Variants in MPPED1 observed in about 807,000 individuals in gnomAD.
MPPED1 encodes the protein metallophosphoesterase domain-containing protein 1.
A neutral mutation model predicts 36.2 loss-of-function variants in MPPED1; 16 were observed. The ratio of observed to expected loss-of-function variants is 0.44; its 90% CI spans 0.30 to 0.67. The LOEUF (loss-of-function observed/expected upper bound fraction) is 0.67. Among genes scored for constraint, MPPED1 ranks in the 30% least tolerant of loss-of-function variants. The probability of loss-of-function intolerance (pLI) is 0.10; values close to 1 mark genes in which losing one functional copy is unlikely to be tolerated. For missense variants in MPPED1, 307 were observed against 453.4 expected (o/e 0.68, Z 2.93); for synonymous variants, 199 against 191.3 (o/e 1.04, Z -0.33).
intron 3 of MPPED1, among the ~76,000 whole-genome samples, chr22:43,436,425 C>G (rs1156291639): frequency 6.6e-6 from 1 of 152,232 alleles, no homozygotes; most frequent in African/African-American, 2.4e-5. Context: ...GCCAGGGGCC[C>G]GACTCTGCCA....
Position 43,492,474 on chromosome 22 carries a change from T to G in MPPED1, c.633-5761T>G, listed in dbSNP as rs369444688. Among the ~76,000 whole-genome samples the G allele has an allele frequency of 1.3e-4, 20 of 152,140 alleles. 1 individual carries two copies. Among genetic ancestry groups the G allele is most frequent in the East Asian group, 9.6e-4 (5 of 5,192 alleles). On this transcript the variant is annotated intron_variant, in intron 4 of 6. Coordinates refer to ENST00000443721, the MANE Select transcript of MPPED1 (RefSeq NM_001044370.2). ...CTTGATGCTGCCCACCCAGAGGCCA[T>G]TCCTTAGCCACAGCTGCCTGGTTTC...
intron 4 of MPPED1, among the ~76,000 whole-genome samples, chr22:43,492,584 C>G (rs1360285603): frequency 6.6e-6 from 1 of 152,160 alleles, no homozygotes; most frequent in Non-Finnish European, 1.5e-5. Flanking sequence ...TGCCCTGCCC[C>G]TCACACTTAA....
chr22:43,450,004 T>C (rs1368499336), intron 3 of MPPED1, among the ~76,000 whole-genome samples: 2 of 151,636 alleles, frequency 1.3e-5, no homozygotes, highest in Non-Finnish European at 2.9e-5. Context: ...GTGGCGGTGG[T>C]TTGTAGAGCC....
intron 6 of MPPED1, 90 bp from the exon 7 acceptor site, chr22:43,505,408 C>T (rs975730968): frequency 1.7e-5 from 19 of 1,147,642 alleles, no homozygotes; most frequent in Non-Finnish European, 2.4e-5. Context: ...ATTCAGCCCA[C>T]AGGGGCTGAG....
At chr22:43,431,144 C>T (rs2097353) in intron 2 of MPPED1, among the ~76,000 whole-genome samples, 57,834 of 147,810 alleles carry the variant, frequency 0.39, 13,816 homozygotes, top group Non-Finnish European at 0.53. Context: ...CGGGTTCAAG[C>T]GATTCTCCTG....
rs1932790045 is a variant in MPPED1, at chr22:43,505,483, G to A, written c.863-15G>A. 1 of 1,595,346 alleles carries A rather than the reference G, an allele frequency of 6.3e-7. No homozygotes were observed. The highest frequency in any genetic ancestry group is 1.3e-5 in the African/African-American group (1 of 74,508). On this transcript the variant is annotated splice_polypyrimidine_tract_variant and intron_variant, in intron 6 of 6. Coordinates refer to ENST00000443721, the MANE Select transcript of MPPED1 (RefSeq NM_001044370.2). Reference sequence around the variant, plus strand: ...CTCTGGCTGCTGGCCTGATGGGCATGTGCTTACTTTCCAGGGTATGGTGTC... The same window carrying A: ...CTCTGGCTGCTGGCCTGATGGGCATATGCTTACTTTCCAGGGTATGGTGTC...
At chr22:43,491,647 T>TGA (rs1932094090) in intron 4 of MPPED1, among the ~76,000 whole-genome samples, 1 of 145,262 alleles carries the variant, frequency 6.9e-6, no homozygotes, top group Non-Finnish European at 1.5e-5. Flanking sequence ...GAGGTGGTGG[T>TGA]TATGGAGGTG....
intron 5 of MPPED1, among the ~76,000 whole-genome samples, chr22:43,501,909 T>G (rs1034148443): frequency 6.6e-6 from 1 of 151,870 alleles, no homozygotes; most frequent in Non-Finnish European, 1.5e-5. Flanking sequence ...GGCCTTTGAG[T>G]GGAAGCTTCC....
At chr22:43,425,862 T>C (rs1360563004) in intron 2 of MPPED1, among the ~76,000 whole-genome samples, 2 of 152,362 alleles carry the variant, frequency 1.3e-5, no homozygotes, top group East Asian at 1.9e-4. Flanking sequence ...AGTGAGGCCC[T>C]GGGGAGCACA....
chr22:43,497,602 G>T lies in MPPED1; in HGVS notation c.633-633G>T, dbSNP rs150595239. The stretch of plus-strand genomic sequence containing the variant: ...GGAATATCTGGCATTGATGGGTCCA[G>T]GTCTTGGCTGGGGAGCAGGCTACCA... On this transcript the variant is annotated intron_variant, in intron 4 of 6. Coordinates refer to ENST00000443721, the MANE Select transcript of MPPED1 (RefSeq NM_001044370.2). Among the ~76,000 whole-genome samples, 59 of 152,114 alleles carry T rather than the reference G, an allele frequency of 3.9e-4. No homozygotes were observed. The East Asian group carries it at 0.011, about 28-fold the overall frequency.
At chr22:43,430,774 C>T (rs76968702) in intron 2 of MPPED1, among the ~76,000 whole-genome samples, 8,477 of 151,970 alleles carry the variant, frequency 0.056, 732 homozygotes, top group African/African-American at 0.18. Flanking sequence ...TGAGATTAGA[C>T]GCCCAGATTC....
intron 4 of MPPED1, among the ~76,000 whole-genome samples, chr22:43,492,275 G>C (rs1347804446): frequency 6.6e-6 from 1 of 152,134 alleles, no homozygotes; most frequent in African/African-American, 2.4e-5. Flanking sequence ...GTGGTAAGGA[G>C]TGGACCATTG....
At chr22:43,477,177 C>G (rs1931602562) in intron 4 of MPPED1, among the ~76,000 whole-genome samples, 1 of 152,232 alleles carries the variant, frequency 6.6e-6, no homozygotes. Context: ...GACCACATGT[C>G]TGAACCTCTG....
intron 1 of MPPED1, among the ~76,000 whole-genome samples, chr22:43,424,321 A>G (rs770354463): frequency 6.6e-6 from 1 of 152,130 alleles, no homozygotes; most frequent in Non-Finnish European, 1.5e-5. Flanking sequence ...TGTCTGGGAA[A>G]ATCCCTTCTC....
chr22:43,466,664 C>CCA (rs1318389255), intron 3 of MPPED1, among the ~76,000 whole-genome samples: 1 of 152,138 alleles, frequency 6.6e-6, no homozygotes, highest in African/African-American at 2.4e-5. Flanking sequence ...ACTCCACAGC[C>CCA]CACAGTAGAG....
intron 4 of MPPED1, among the ~76,000 whole-genome samples, chr22:43,497,162 G>A (rs1465540277): frequency 6.6e-6 from 1 of 151,834 alleles, no homozygotes; most frequent in Middle Eastern, 3.2e-3. Flanking sequence ...AATGGAGGTG[G>A]TGGTGGAAGT....
At chr22:43,497,198 A>G (rs995935746) in intron 4 of MPPED1, among the ~76,000 whole-genome samples, 5 of 149,692 alleles carry the variant, frequency 3.3e-5, no homozygotes, top group Admixed American at 6.6e-5. Flanking sequence ...AGTGCTAGTG[A>G]TGGTGGAGGT....
intron 2 of MPPED1, among the ~76,000 whole-genome samples, chr22:43,433,337 G>C (rs1271406704): frequency 6.6e-6 from 1 of 152,140 alleles, no homozygotes. Context: ...TCAGTCCCTG[G>C]GCTTGTTGTG....
Position 43,454,715 on chromosome 22 carries a change from T to A in MPPED1, c.406+19500T>A, listed in dbSNP as rs934384708. 2.0e-5 allele frequency among the ~76,000 whole-genome samples: 3 copies of A among 152,170 alleles called. No homozygotes were observed. The South Asian group carries it at 6.2e-4, about 32-fold the overall frequency. On this transcript the variant is annotated intron_variant, in intron 3 of 6. Coordinates refer to ENST00000443721, the MANE Select transcript of MPPED1 (RefSeq NM_001044370.2). ...ACTGGTGCACACCACCACACCTAGC[T>A]AATTTTTGTATTTTTAGTAGAGATG...
Sources: gnomAD v4.1 joint callset for allele counts (sites outside exome capture counted in the v4.1 genomes callset) on GRCh38, gnomAD v4.1.1 for gene constraint, MANE v1.5 for transcripts, NCBI Gene and HGNC (gene_info 2026-07-23, HGNC 2026-07-21) for gene names.